Variants in LCORL observed in about 807,000 individuals in gnomAD.
LCORL encodes ligand-dependent nuclear receptor corepressor-like protein.
A neutral mutation model predicts 141.8 loss-of-function variants in LCORL; 41 were observed. That is an observed-to-expected ratio of 0.29 (90% confidence interval 0.23 to 0.38). The LOEUF is 0.38. Ranked by LOEUF, LCORL falls within the 10% of genes least tolerant of loss-of-function variation. The probability of loss-of-function intolerance (pLI) is 1.00; values close to 1 mark genes in which losing one functional copy is unlikely to be tolerated. For synonymous variants in LCORL, 618 were observed against 694.1 expected (o/e 0.89, Z 1.72); for missense variants, 1,759 against 2,035.0 (o/e 0.86, Z 2.61).
intron 4 of LCORL, among the ~76,000 whole-genome samples, chr4:17,923,440 G>C (rs905033489): frequency 6.6e-6 from 1 of 152,232 alleles, no homozygotes; most frequent in African/African-American, 2.4e-5. Context: ...GAGGTCAGGA[G>C]TTCGAGACCA....
chr4:17,984,829 C>T (rs1489589789), intron 1 of LCORL, among the ~76,000 whole-genome samples: 2 of 152,066 alleles, frequency 1.3e-5, no homozygotes, highest in African/African-American at 4.8e-5. Context: ...TCTTGCTTCT[C>T]TAGTTCTTTT....
At chr4:17,950,957 T>A (rs1249731534) in intron 4 of LCORL, among the ~76,000 whole-genome samples, 1 of 152,186 alleles carries the variant, frequency 6.6e-6, no homozygotes, top group Non-Finnish European at 1.5e-5. Flanking sequence ...TTAAACAGTT[T>A]ATTCATTCTG....
chr4:17,966,930 C>G (rs1715007545), intron 2 of LCORL, among the ~76,000 whole-genome samples: 1 of 151,974 alleles, frequency 6.6e-6, no homozygotes, highest in Admixed American at 6.6e-5. Flanking sequence ...AAATATTTAC[C>G]CAAATGAGTT....
At chr4:17,874,611 T>C in exon 7 of LCORL, 1 of 1,233,788 alleles carries the variant, frequency 8.1e-7, no homozygotes, top group Non-Finnish European at 1.0e-6. Flanking sequence ...ATGAATACAA[T>C]TTTCAGCTTC....
intron 7 of LCORL, among the ~76,000 whole-genome samples, chr4:17,861,441 A>C (rs1725002587): frequency 6.6e-6 from 1 of 152,122 alleles, no homozygotes; most frequent in Non-Finnish European, 1.5e-5. Context: ...AGGTCCCTAG[A>C]CTGCACACAG....
chr4:17,851,997 C>A (rs1241599493), intron 7 of LCORL, among the ~76,000 whole-genome samples: 3 of 152,016 alleles, frequency 2.0e-5, no homozygotes, highest in Non-Finnish European at 2.9e-5. Context: ...TAATGTTTTT[C>A]TTGTGTTATG....
chr4:17,943,156 T>C (rs1344689717), intron 4 of LCORL, among the ~76,000 whole-genome samples: 1 of 152,114 alleles, frequency 6.6e-6, no homozygotes, highest in African/African-American at 2.4e-5. Context: ...ACCCCTGAGA[T>C]GACAAGAGAA....
At chr4:17,977,738 G>T (rs978760875) in intron 1 of LCORL, among the ~76,000 whole-genome samples, 5 of 152,052 alleles carry the variant, frequency 3.3e-5, no homozygotes, top group Non-Finnish European at 5.9e-5. Flanking sequence ...TTTCTTAGTG[G>T]TGTTTCCCAA....
At chr4:17,913,603 G>A (rs1055980208) in intron 4 of LCORL, among the ~76,000 whole-genome samples, 1 of 152,198 alleles carries the variant, frequency 6.6e-6, no homozygotes, top group Non-Finnish European at 1.5e-5. Context: ...GGCAGCCAAA[G>A]CTTGAGCAGA....
At chr4:17,871,860 C>A (rs1362682428) in intron 7 of LCORL, among the ~76,000 whole-genome samples, 1 of 151,722 alleles carries the variant, frequency 6.6e-6, no homozygotes, top group Non-Finnish European at 1.5e-5. Context: ...TCTACTTTGG[C>A]CAACCTTTAA....
chr4:17,930,766 T>C (rs919916562), intron 4 of LCORL, among the ~76,000 whole-genome samples: 1 of 152,152 alleles, frequency 6.6e-6, no homozygotes, highest in Non-Finnish European at 1.5e-5. Flanking sequence ...AAAATGAAAA[T>C]CAAAACAATG....
intron 7 of LCORL, among the ~76,000 whole-genome samples, chr4:17,847,315 G>C (rs774598517): frequency 1.3e-5 from 2 of 152,182 alleles, no homozygotes; most frequent in Admixed American, 6.5e-5. Flanking sequence ...TCATATTTAA[G>C]TGACTTGGTA....
At chr4:17,937,373 C>T (rs1358639856) in intron 4 of LCORL, among the ~76,000 whole-genome samples, 1 of 152,246 alleles carries the variant, frequency 6.6e-6, no homozygotes, top group Non-Finnish European at 1.5e-5. Context: ...TCTTCCACAA[C>T]CATTGTATTA....
intron 2 of LCORL, among the ~76,000 whole-genome samples, chr4:17,971,035 C>G (rs1715829503): frequency 6.6e-6 from 1 of 151,992 alleles, no homozygotes; most frequent in Non-Finnish European, 1.5e-5. Context: ...GAGGTCTCAG[C>G]CATAGACCTC....
intron 5 of LCORL, 83 bp downstream of exon 5, chr4:17,909,011 C>A: frequency 8.1e-7 from 1 of 1,232,102 alleles, no homozygotes. Flanking sequence ...AATAAATTTC[C>A]CTATGAATAT....
intron 7 of LCORL, among the ~76,000 whole-genome samples, chr4:17,872,355 G>T (rs1162216942): frequency 6.6e-6 from 1 of 152,044 alleles, no homozygotes; most frequent in African/African-American, 2.4e-5. Context: ...GGCCACACTG[G>T]AAGAATTGTC....
chr4:17,908,091 G>T (rs13123055), intron 5 of LCORL, among the ~76,000 whole-genome samples: 20,935 of 152,008 alleles, frequency 0.14, 1,530 homozygotes, highest in South Asian at 0.26. Context: ...GGAGTGCAAT[G>T]GTATGATCTC....
chr4:17,970,404 T>A (rs958305845), intron 2 of LCORL, among the ~76,000 whole-genome samples: 2 of 152,106 alleles, frequency 1.3e-5, no homozygotes, highest in African/African-American at 2.4e-5. Flanking sequence ...CTTCCAAGAG[T>A]ATCTGAGCTA....
At chr4:17,907,117 C>T (rs1297778305) in intron 5 of LCORL, among the ~76,000 whole-genome samples, 1 of 152,164 alleles carries the variant, frequency 6.6e-6, no homozygotes, top group African/African-American at 2.4e-5. Flanking sequence ...AAATCTGTTT[C>T]CCTCTAACCT....
Sources: gnomAD v4.1 joint callset for allele counts (sites outside exome capture counted in the v4.1 genomes callset) on GRCh38, gnomAD v4.1.1 for gene constraint, MANE v1.5 for transcripts, NCBI Gene and HGNC (gene_info 2026-07-23, HGNC 2026-07-21) for gene names.